Variants in CNTNAP3 observed in about 807,000 individuals in gnomAD.
The protein encoded by CNTNAP3 is contactin-associated protein-like 3.
In CNTNAP3, 36 loss-of-function variants were observed where a neutral mutation model predicts 92.1. That is an observed-to-expected ratio of 0.39 (90% CI 0.30 to 0.52). CNTNAP3 has a LOEUF of 0.52. CNTNAP3 is among the 20% of genes least tolerant of loss of function. CNTNAP3 has a pLI of 0.76. For missense variants in CNTNAP3, 534 were observed against 1,069.6 expected (o/e 0.50, Z 6.98); for synonymous variants, 232 against 422.3 (o/e 0.55, Z 5.53).
chr9:39,102,200 A>C (rs1402030546), intron 17 of CNTNAP3, among the ~76,000 whole-genome samples: 13 of 152,358 alleles, frequency 8.5e-5, no homozygotes, highest in Admixed American at 2.0e-4. Flanking sequence ...GAATCGCTTG[A>C]ACCCGGCAGG....
At position 39,065,802 on chromosome 9, in the gene CNTNAP3, T is replaced by A. The variant is rs1001583889; in HGVS notation, c.*8088A>T. On this transcript the variant is annotated 3_prime_UTR_variant, in exon 24 of 24. Coordinates refer to ENST00000297668, the MANE Select transcript of CNTNAP3 (RefSeq NM_033655.5). ...TTTCTTATATTCATTATTTTCATTTTATTTTTGCTAATTATTGAGTTGTTA... is the reference window on the plus strand; with the variant it reads ...TTTCTTATATTCATTATTTTCATTTAATTTTTGCTAATTATTGAGTTGTTA... Among the ~76,000 whole-genome samples the A allele has an allele frequency of 2.1e-3, 320 of 152,326 alleles. 2 individuals are homozygous for A. Among genetic ancestry groups the A allele is most frequent in the African/African-American group, 7.4e-3 (307 of 41,570 alleles).
Position 39,144,229 on chromosome 9 carries a change from G to A in CNTNAP3, c.1756+11C>T, listed in dbSNP as rs541436120. 2.2e-5 allele frequency: 35 copies of A among 1,589,962 alleles called. No individual in the cohort carries two copies. The highest frequency in any genetic ancestry group is 1.2e-4 in the Admixed American group (7 of 56,434). ...ATGCTGACAGAAACGAGAGGGAGGC[G>A]TGAGGCTTACAGGAATGGCAGGTCT... On this transcript the variant is annotated intron_variant, in intron 11 of 23. Transcript: ENST00000297668.
Position 39,068,427 on chromosome 9 carries a change from AAAATTAAATTAAATT to A in CNTNAP3, c.*5448_*5462del, listed in dbSNP as rs769603246. ...CAAGACTCCGTCTCAAAAATAAAAT[AAAATTAAATTAAATT>A]AAATAAAAATTAAAAAATTCATAGA... is the stretch of plus-strand genomic sequence containing the variant. On this transcript the variant is annotated 3_prime_UTR_variant, in exon 24 of 24. Coordinates refer to ENST00000297668, the MANE Select transcript of CNTNAP3 (RefSeq NM_033655.5). Among the ~76,000 whole-genome samples, 2 of 121,326 alleles carry A rather than the reference AAAATTAAATTAAATT, an allele frequency of 1.6e-5. No homozygotes were observed. Among genetic ancestry groups the A allele is most frequent in the Non-Finnish European group, 3.5e-5 (2 of 57,070 alleles). 79.6% of individuals were successfully genotyped at this position (121,326 alleles called of 152,430 possible). A position where few individuals can be genotyped will look rare whatever the true frequency, so the allele number is the denominator to read the frequency against.
Position 39,078,827 on chromosome 9 carries a change from A to G in CNTNAP3, c.3536T>C (p.Leu1179Pro). ...GCCGCTGGGGCGCAGCGCCGCCTTC[A>G]GGGGAGCAGCGCGGCCGAAGCGCAC... Reference protein sequence around the residue: ...SAVRFGRAAPLKAALRPSGPS... With the variant: ...SAVRFGRAAPPKAALRPSGPS... The change falls in exon 22 of 24, where the codon CTG (leucine) becomes CCG (proline). Residue 1179 changes from leucine to proline, a missense_variant. Coordinates refer to ENST00000297668, the MANE Select transcript of CNTNAP3 (RefSeq NM_033655.5). The G allele has an allele frequency of 6.5e-7, 1 of 1,532,894 alleles. No individual in the cohort carries two copies. Among genetic ancestry groups the G allele is most frequent in the African/African-American group, 1.4e-5 (1 of 72,882 alleles). The allele number at this position is 1,532,894 out of a possible 1,614,324, so 95.0% of individuals were successfully genotyped here.
At chr9:39,092,880 T>G (rs1826238874) in intron 18 of CNTNAP3, among the ~76,000 whole-genome samples, 3 of 143,104 alleles carry the variant, frequency 2.1e-5, no homozygotes, top group Admixed American at 2.0e-4. Context: ...CTTTATGTAA[T>G]TTGGGGCTAT....
chr9:39,088,857 A>C (rs1027924784), intron 18 of CNTNAP3, among the ~76,000 whole-genome samples: 1 of 151,844 alleles, frequency 6.6e-6, no homozygotes, highest in Non-Finnish European at 1.5e-5. Context: ...TATACTCATA[A>C]CCCAAAATTG....
intron 13 of CNTNAP3, among the ~76,000 whole-genome samples, chr9:39,125,192 G>C (rs1477304005): frequency 2.0e-5 from 3 of 152,072 alleles, no homozygotes; most frequent in Non-Finnish European, 2.9e-5. Flanking sequence ...AAAAGGATGA[G>C]TTCATGTCCT....
At position 39,066,404 on chromosome 9, in the gene CNTNAP3, TA is replaced by T. The variant is rs1825510219; in HGVS notation, c.*7485del. 6.6e-6 allele frequency among the ~76,000 whole-genome samples: 1 copy of T among 152,168 alleles called. No homozygotes were observed. Among genetic ancestry groups the T allele is most frequent in the African/African-American group, 2.4e-5 (1 of 41,438 alleles). The stretch of plus-strand genomic sequence containing the variant: ...ATTTAAGTAATAAGGGCAGGTATTG[TA>T]TATTTACTTATGGTGTTACTATTGC... On this transcript the variant is annotated 3_prime_UTR_variant, in exon 24 of 24. Coordinates refer to ENST00000297668, the MANE Select transcript of CNTNAP3 (RefSeq NM_033655.5).
chr9:39,092,568 T>G lies in CNTNAP3; in HGVS notation c.2996-3921A>C, dbSNP rs1826229639. On this transcript the variant is annotated intron_variant, in intron 18 of 23. Transcript: ENST00000297668. ...CTTTATGTTATTATTTTCATCTCAT[T>G]GTGTTTTAAAAAGACCCTTCATATG... Among the ~76,000 whole-genome samples, 2 of 137,614 alleles carry G rather than the reference T, an allele frequency of 1.5e-5. 1 individual carries two copies. The highest frequency in any genetic ancestry group is 4.9e-4 in the South Asian group (2 of 4,088). 90.3% of individuals were successfully genotyped at this position (137,614 alleles called of 152,430 possible).
intron 18 of CNTNAP3, among the ~76,000 whole-genome samples, chr9:39,091,638 G>C (rs2118443524): frequency 6.6e-6 from 1 of 151,918 alleles, no homozygotes; most frequent in East Asian, 1.9e-4. Context: ...CTACTTAAAT[G>C]ATATTGGTCT....
intron 18 of CNTNAP3, among the ~76,000 whole-genome samples, chr9:39,090,376 G>A (rs11793460): frequency 0.23 from 34,396 of 152,038 alleles, 4,204 homozygotes; most frequent in East Asian, 0.38. Flanking sequence ...TATAGTTTTA[G>A]TTCTTACATC....
At chr9:39,091,954 A>T (rs1826214525) in intron 18 of CNTNAP3, among the ~76,000 whole-genome samples, 2 of 151,716 alleles carry the variant, frequency 1.3e-5, no homozygotes, top group African/African-American at 4.8e-5. Context: ...TTGAAACAGA[A>T]GTAGTAGTTT....
intron 18 of CNTNAP3, among the ~76,000 whole-genome samples, chr9:39,093,043 T>A (rs147871081): frequency 0.028 from 3,958 of 143,184 alleles, 218 homozygotes; most frequent in African/African-American, 0.095. Context: ...TCTCTAGGGT[T>A]ACTCTTTGCA....
chr9:39,125,736 A>G (rs1157723052), intron 13 of CNTNAP3, among the ~76,000 whole-genome samples: 1 of 152,196 alleles, frequency 6.6e-6, no homozygotes, highest in Non-Finnish European at 1.5e-5. Flanking sequence ...AGAGATGAAA[A>G]AGGGTATTAC....
chr9:39,147,326 GAT>G (rs1390758187), intron 10 of CNTNAP3, among the ~76,000 whole-genome samples: 2 of 151,844 alleles, frequency 1.3e-5, no homozygotes, highest in African/African-American at 4.8e-5. Flanking sequence ...CTGTTTTCAG[GAT>G]ACTTAAAAGT....
At chr9:39,091,173 T>C (rs1245840735) in intron 18 of CNTNAP3, among the ~76,000 whole-genome samples, 1 of 148,266 alleles carries the variant, frequency 6.7e-6, no homozygotes, top group African/African-American at 2.5e-5. Flanking sequence ...TTCTTCTTCT[T>C]TTTTTTTTTT....
At chr9:39,102,375 A>G in intron 17 of CNTNAP3, 122 bp downstream of exon 17, 15 of 1,514,840 alleles carry the variant, frequency 9.9e-6, no homozygotes, top group Non-Finnish European at 1.3e-5. Context: ...TTATCAGCAA[A>G]TAGTACCAAT....
chr9:39,086,783 T>G lies in CNTNAP3; in HGVS notation c.3287A>C (p.Lys1096Thr). Residue 1096 changes from lysine (K) to threonine (T), a missense_variant, in exon 20 of 24, where the codon AAA becomes ACA. Coordinates refer to ENST00000297668, the MANE Select transcript of CNTNAP3 (RefSeq NM_033655.5). ...GTGAAGTTGCCCATCAGCCATGTTT[T>G]TAAAATCAAAGGTAAATGCATCAGG... ...QNPDAFTFDF[K>T]NMADGQLHQV... 1 of 1,611,220 alleles carries G rather than the reference T, an allele frequency of 6.2e-7. No individual in the cohort carries two copies. Among genetic ancestry groups the G allele is most frequent in the South Asian group, 1.1e-5 (1 of 90,920 alleles).
At chr9:39,144,197 C>A in intron 11 of CNTNAP3, 43 bp downstream of exon 11, 1 of 1,523,186 alleles carries the variant, frequency 6.6e-7, no homozygotes, top group East Asian at 2.4e-5. Flanking sequence ...AATGAAATGA[C>A]AAAGAGATGC....
Sources: allele counts gnomAD v4.1 joint callset (sites outside exome capture counted in the v4.1 genomes callset), GRCh38; gene constraint gnomAD v4.1.1; transcripts MANE v1.5; gene names NCBI Gene and HGNC (gene_info 2026-07-23, HGNC 2026-07-21).